Variants in CWC15 observed in about 807,000 individuals in gnomAD.
CWC15 encodes CWC15 spliceosome associated protein.
CWC15 carries 12 observed loss-of-function variants against 28.4 expected under a neutral mutation model. That is an observed-to-expected ratio of 0.42 (90% confidence interval 0.27 to 0.69). CWC15 has a LOEUF of 0.69. CWC15 is among the 30% of genes least tolerant of loss of function. CWC15 has a pLI of 0.23. For synonymous variants in CWC15, 92 were observed against 88.4 expected (o/e 1.04, Z -0.23); for missense variants, 192 against 271.5 (o/e 0.71, Z 2.06).
chr11:94,965,605 C>T (rs587600712), intron 6 of CWC15, among the ~76,000 whole-genome samples: 35 of 152,346 alleles, frequency 2.3e-4, no homozygotes, highest in Middle Eastern at 6.8e-3. Context: ...TTACACTGAA[C>T]ACCTACTATC....
At chr11:94,969,049 T>G (rs1223751505) in intron 5 of CWC15, among the ~76,000 whole-genome samples, 17 of 152,240 alleles carry the variant, frequency 1.1e-4, no homozygotes, top group Non-Finnish European at 2.4e-4. Context: ...GCATTCCCTG[T>G]ATTGATGGCA....
chr11:94,970,167 A>G (rs1267864572), intron 4 of CWC15, 71 bp from the exon 5 acceptor site: 1 of 664,542 alleles, frequency 1.5e-6, no homozygotes. Flanking sequence ...ACATATGTAC[A>G]ACGTATCACC....
chr11:94,963,308 A>AG lies in CWC15; in HGVS notation c.*76dup. 2 of 1,004,642 alleles carry AG rather than the reference A, an allele frequency of 2.0e-6. No individual in the cohort carries two copies. The highest frequency in any genetic ancestry group is 2.7e-6 in the Non-Finnish European group (2 of 731,466). The allele number at this position is 1,004,642 out of a possible 1,614,324, so 62.2% of individuals were successfully genotyped here. The stretch of plus-strand genomic sequence containing the variant: ...CCACACACAATTTAGACAGGGGAAA[A>AG]GAAAAAAAAAACTCATAAAAAAAGT... On this transcript the variant is annotated 3_prime_UTR_variant, in exon 7 of 7. Transcript: ENST00000279839.
intron 5 of CWC15, among the ~76,000 whole-genome samples, chr11:94,967,441 T>G (rs1857661695): frequency 6.6e-6 from 1 of 152,194 alleles, no homozygotes; most frequent in African/African-American, 2.4e-5. Flanking sequence ...CTTCTCAGAA[T>G]GTGGAATATA....
At chr11:94,969,039 G>C (rs1857683287) in intron 5 of CWC15, among the ~76,000 whole-genome samples, 1 of 152,132 alleles carries the variant, frequency 6.6e-6, no homozygotes, top group African/African-American at 2.4e-5. Flanking sequence ...CAATTCTTTT[G>C]CATTCCCTGT....
At chr11:94,964,113 A>G (rs587697844) in intron 6 of CWC15, among the ~76,000 whole-genome samples, 34 of 152,226 alleles carry the variant, frequency 2.2e-4, no homozygotes, top group African/African-American at 7.7e-4. Context: ...GGATTCCATA[A>G]TGTATAAGCA....
At chr11:94,970,295 A>C in intron 4 of CWC15, 199 bp from the exon 5 acceptor site, 1 of 409,908 alleles carries the variant, frequency 2.4e-6, no homozygotes, top group Non-Finnish European at 4.3e-6. Flanking sequence ...CAAATGAATA[A>C]TCATTAAATT....
At chr11:94,963,889 A>T (rs587618792) in intron 6 of CWC15, among the ~76,000 whole-genome samples, 1 of 152,342 alleles carries the variant, frequency 6.6e-6, no homozygotes, top group South Asian at 2.1e-4. Flanking sequence ...GATAGTAGCC[A>T]ATCAATTTAA....
At chr11:94,966,485 C>T (rs2134099575) in intron 5 of CWC15, 72 bp from the exon 6 acceptor site, 2 of 805,470 alleles carry the variant, frequency 2.5e-6, no homozygotes. Context: ...TATTAGCTCA[C>T]TGAAAAAAAA....
chr11:94,970,062 T>C lies in CWC15; in HGVS notation c.368A>G (p.Asp123Gly). 1 of 1,565,292 alleles carries C rather than the reference T, an allele frequency of 6.4e-7. No individual in the cohort carries two copies. The highest frequency in any genetic ancestry group is 1.2e-5 in the South Asian group (1 of 84,186). The change falls in exon 5 of 7, where the codon GAT becomes GGT. Residue 123 changes from aspartate to glycine, a missense_variant. By Grantham distance (94) the Asp-to-Gly change is moderately conservative (BLOSUM62 -1). Transcript: ENST00000279839. ...EDEDFEEESDDDDTAALLAEL... is the reference protein window; with the variant it reads ...EDEDFEEESDGDDTAALLAEL... The stretch of plus-strand genomic sequence containing the variant: ...TGCAAGAAGAGCTGCAGTATCATCA[T>C]CATCACTTTCTTCTTCAAAATCTTC...
chr11:94,970,682 C>T, intron 4 of CWC15: 1 of 364,422 alleles, frequency 2.7e-6, no homozygotes, highest in Non-Finnish European at 5.1e-6. Context: ...AGGTGTGTAA[C>T]ACAGCAGTAG....
At chr11:94,969,908 A>T (rs76120293) in intron 5 of CWC15, 81 bp downstream of exon 5, 27,646 of 701,918 alleles carry the variant, frequency 0.039, 718 homozygotes, top group Admixed American at 0.11. Context: ...TAATATAAGA[A>T]GATATTACTT....
At chr11:94,966,695 T>C (rs1555095369) in intron 5 of CWC15, among the ~76,000 whole-genome samples, 1 of 152,096 alleles carries the variant, frequency 6.6e-6, no homozygotes, top group African/African-American at 2.4e-5. Context: ...AGATCCATAT[T>C]TAAATCTATT....
intron 6 of CWC15, among the ~76,000 whole-genome samples, chr11:94,964,598 C>T (rs1555094959): frequency 6.6e-6 from 1 of 152,212 alleles, no homozygotes; most frequent in African/African-American, 2.4e-5. Context: ...GTCCCTCCTT[C>T]CCAACACCAA....
intron 6 of CWC15, 69 bp downstream of exon 6, chr11:94,966,226 T>TATACACACACAC: frequency 1.5e-6 from 1 of 669,472 alleles, no homozygotes. Context: ...CATACACATA[T>TATACACACACAC]ACACACACAC....
intron 3 of CWC15, 94 bp downstream of exon 3, chr11:94,971,281 G>T: frequency 9.0e-7 from 1 of 1,107,408 alleles, no homozygotes; most frequent in Non-Finnish European, 1.3e-6. Flanking sequence ...ATCTGTAAAA[G>T]TAAACAAATG....
chr11:94,966,510 T>G, intron 5 of CWC15, 97 bp from the exon 6 acceptor site: 1 of 695,980 alleles, frequency 1.4e-6, no homozygotes, highest in Non-Finnish European at 2.2e-6. Context: ...AAACTGATCA[T>G]TAGGATTTTA....
At position 94,971,809 on chromosome 11, in the gene CWC15, T is replaced by C. The variant is rs587598230; in HGVS notation, c.131+246A>G. ...CTTTTAATATACTGACTGGTGCTCA[T>C]AGTGCATACTCTGAGGCATTATTAT... is the stretch of plus-strand genomic sequence containing the variant. On this transcript the variant is annotated intron_variant, in intron 2 of 6. Coordinates refer to ENST00000279839, the MANE Select transcript of CWC15 (RefSeq NM_016403.4). Among the ~76,000 whole-genome samples the C allele has an allele frequency of 2.0e-5, 3 of 152,330 alleles. No homozygotes were observed. The East Asian group carries it at 5.8e-4, about 29-fold the overall frequency.
chr11:94,970,850 G>A, intron 4 of CWC15, 127 bp downstream of exon 4: 1 of 796,604 alleles, frequency 1.3e-6, no homozygotes. Context: ...ACTGAGGTCA[G>A]GGCTATATTT....
Sources: allele counts gnomAD v4.1 joint callset (sites outside exome capture counted in the v4.1 genomes callset), GRCh38; gene constraint gnomAD v4.1.1; transcripts MANE v1.5; gene names NCBI Gene and HGNC (gene_info 2026-07-23, HGNC 2026-07-21).